MEIOB: variants seen among roughly 807,000 people sequenced by gnomAD.
MEIOB encodes meiosis specific with OB-fold.
A neutral mutation model predicts 53.1 loss-of-function variants in MEIOB; 50 were observed. The ratio of observed to expected loss-of-function variants is 0.94; its 90% CI spans 0.75 to 1.19. The LOEUF (loss-of-function observed/expected upper bound fraction) is 1.19, where lower values mean the gene tolerates loss of function less well. Ranked by LOEUF, MEIOB falls within the 50% of genes most tolerant of loss-of-function variation. The pLI is 0.00. For synonymous variants in MEIOB, 192 were observed against 182.5 expected, an observed-to-expected ratio of 1.05 and a Z score of -0.42; for missense variants, 551 against 550.8, an observed-to-expected ratio of 1.00 and a Z score of 0.00.
chr16:1,854,942 T>A (rs1313721410), intron 6 of MEIOB, among the ~76,000 whole-genome samples: 4 of 151,760 alleles, frequency 2.6e-5, no homozygotes, highest in Non-Finnish European at 5.9e-5. Context: ...AGGCCCAGCA[T>A]GGACAGTCAC....
intron 3 of MEIOB, among the ~76,000 whole-genome samples, chr16:1,864,557 T>C (rs2437740): frequency 0.83 from 123,338 of 149,456 alleles, 51,045 homozygotes; most frequent in Middle Eastern, 0.9. Flanking sequence ...GGCGTGATCT[T>C]GGCTCACTGC....
intron 9 of MEIOB, 92 bp from the exon 10 acceptor site, chr16:1,845,055 T>C: frequency 1.6e-6 from 1 of 625,220 alleles, no homozygotes; most frequent in Non-Finnish European, 2.8e-6. Flanking sequence ...TAGTAAAAAG[T>C]GAAGACATGT....
At chr16:1,859,432 T>C (rs1899387920) in intron 5 of MEIOB, among the ~76,000 whole-genome samples, 1 of 151,994 alleles carries the variant, frequency 6.6e-6, no homozygotes, top group South Asian at 2.1e-4. Flanking sequence ...TCACAGCTAC[T>C]TGGGAGGCTG....
rs1038207664 is a variant in MEIOB at position 1,862,069 on chromosome 16, G to C, written c.175C>G (p.Pro59Ala). The change falls in exon 4 of 14, where the codon CCA becomes GCA. Residue 59 changes from proline to alanine, a missense_variant. Coordinates refer to ENST00000325962, the MANE Select transcript of MEIOB (RefSeq NM_001163560.3). ...GAAGCTGCATTTACAAAATGTGCTGGTGAATCCCGAATGGTGAAGCTGAAA... is the reference window on the plus strand; with the variant it reads ...GAAGCTGCATTTACAAAATGTGCTGCTGAATCCCGAATGGTGAAGCTGAAA... ...YTFSFTIRDS[P>A]AHFVNAASWG... 9.7e-6 allele frequency: 15 copies of C among 1,551,144 alleles called. No homozygotes were observed. In the Admixed American group the frequency reaches 2.7e-4, roughly 28 times the overall value.
At chr16:1,847,557 G>A (rs968056383) in intron 9 of MEIOB, among the ~76,000 whole-genome samples, 1 of 151,660 alleles carries the variant, frequency 6.6e-6, no homozygotes, top group African/African-American at 2.4e-5. Context: ...GATTTCTTGA[G>A]GTCAGGAGTT....
intron 11 of MEIOB, 37 bp downstream of exon 11, chr16:1,841,783 C>G (rs368154165): frequency 2.1e-6 from 3 of 1,427,756 alleles, no homozygotes; most frequent in African/African-American, 2.9e-5. Context: ...TTATTTCTTA[C>G]AAAAATGAAT....
At chr16:1,845,936 G>A (rs1374466280) in intron 9 of MEIOB, among the ~76,000 whole-genome samples, 1 of 152,120 alleles carries the variant, frequency 6.6e-6, no homozygotes, top group Non-Finnish European at 1.5e-5. Context: ...ACTCCCCTGG[G>A]AAGATCTGGG....
chr16:1,850,601 T>TTTA (rs1437102880), intron 9 of MEIOB, among the ~76,000 whole-genome samples: 10 of 150,144 alleles, frequency 6.7e-5, no homozygotes, highest in Non-Finnish European at 7.4e-5. Context: ...ATAAACTATT[T>TTTA]TTATTAATAA....
At chr16:1,848,469 G>A (rs1359956038) in intron 9 of MEIOB, among the ~76,000 whole-genome samples, 3 of 149,642 alleles carry the variant, frequency 2.0e-5, no homozygotes, top group South Asian at 2.1e-4. Context: ...GGTCCCTCCC[G>A]CATGTCTGGC....
chr16:1,855,509 T>C (rs1238442593), intron 6 of MEIOB, among the ~76,000 whole-genome samples: 1 of 152,004 alleles, frequency 6.6e-6, no homozygotes, highest in Non-Finnish European at 1.5e-5. Context: ...ATGAAAGGCA[T>C]GAGAAGAAGT....
intron 9 of MEIOB, among the ~76,000 whole-genome samples, chr16:1,846,085 C>G (rs1160829312): frequency 6.6e-6 from 1 of 152,216 alleles, no homozygotes; most frequent in Non-Finnish European, 1.5e-5. Flanking sequence ...TCATCTCCTT[C>G]CTTGTTCCAG....
chr16:1,866,639 T>C (rs1899600048), intron 2 of MEIOB, among the ~76,000 whole-genome samples: 1 of 152,058 alleles, frequency 6.6e-6, no homozygotes, highest in Non-Finnish European at 1.5e-5. Flanking sequence ...GGAGAATCGC[T>C]TGAACCCAGA....
intron 13 of MEIOB, among the ~76,000 whole-genome samples, chr16:1,837,379 T>C (rs1158116721): frequency 3.3e-5 from 5 of 151,986 alleles, no homozygotes; most frequent in Non-Finnish European, 5.9e-5. Flanking sequence ...CCTTTTGGGG[T>C]TCAGGGGCCA....
intron 9 of MEIOB, among the ~76,000 whole-genome samples, chr16:1,846,925 G>A (rs1899039885): frequency 6.7e-6 from 1 of 150,208 alleles, no homozygotes; most frequent in African/African-American, 2.4e-5. Flanking sequence ...GGGAGGGTGA[G>A]GCGGGCGGAT....
At chr16:1,851,345 C>G (rs1411824594) in intron 9 of MEIOB, among the ~76,000 whole-genome samples, 1 of 152,210 alleles carries the variant, frequency 6.6e-6, no homozygotes, top group African/African-American at 2.4e-5. Context: ...AAACGTCACT[C>G]TCCCATGCAG....
chr16:1,840,106 T>G (rs1898861773), intron 11 of MEIOB: 1 of 152,196 alleles, frequency 6.6e-6, no homozygotes, highest in Non-Finnish European at 1.5e-5. Flanking sequence ...ATAGGGGAAA[T>G]GAACTGAAGA....
At chr16:1,849,419 AC>A (rs2060027278) in intron 9 of MEIOB, among the ~76,000 whole-genome samples, 1 of 151,812 alleles carries the variant, frequency 6.6e-6, no homozygotes, top group Non-Finnish European at 1.5e-5. Flanking sequence ...GGTGGCGGGC[AC>A]CTGTCGTCCC....
At chr16:1,858,348 G>A (rs1345898557) in intron 5 of MEIOB, among the ~76,000 whole-genome samples, 7 of 152,090 alleles carry the variant, frequency 4.6e-5, no homozygotes, top group Non-Finnish European at 1.0e-4. Context: ...ACTGAGCTCT[G>A]CATGGAGCAG....
At chr16:1,844,761 T>C (rs1158871086) in intron 10 of MEIOB, 101 bp downstream of exon 10, 1 of 613,884 alleles carries the variant, frequency 1.6e-6, no homozygotes, top group Non-Finnish European at 3.0e-6. Context: ...ATATAGTAGT[T>C]ACAGAATAGG....
Sources: allele counts gnomAD v4.1 joint callset (sites outside exome capture counted in the v4.1 genomes callset), GRCh38; gene constraint gnomAD v4.1.1; transcripts MANE v1.5; gene names NCBI Gene and HGNC (gene_info 2026-07-23, HGNC 2026-07-21).